FASTKD1: variants seen among roughly 807,000 people sequenced by gnomAD.
FASTKD1 encodes FAST kinase domain-containing protein 1, mitochondrial.
Under a neutral mutation model 90.9 loss-of-function variants are expected in FASTKD1, and 94 were observed. The observed-to-expected ratio is 1.03, with a 90% CI of 0.88 to 1.23. The LOEUF (loss-of-function observed/expected upper bound fraction) is 1.23, where lower values mean the gene tolerates loss of function less well. FASTKD1 is among the 50% of genes most tolerant of loss of function. The pLI is 0.00. For missense variants in FASTKD1, 945 were observed against 993.5 expected (o/e 0.95, Z 0.66); for synonymous variants, 319 against 345.8 (o/e 0.92, Z 0.86).
In FASTKD1 at chr2:169,529,010, G is replaced by A. The variant is rs989078803; in HGVS notation, c.*815C>T. Among the ~76,000 whole-genome samples, 7 of 152,056 alleles carry A rather than the reference G, an allele frequency of 4.6e-5. No individual in the cohort carries two copies. The highest frequency in any genetic ancestry group is 1.3e-4 in the Admixed American group (2 of 15,258). On this transcript the variant is annotated 3_prime_UTR_variant, in exon 15 of 15. Transcript: ENST00000453153. ...ACTCTTCTCTAATCTCATTTTAAGCGATTTCATCTACTCTCATGGCATTGA... is the reference window on the plus strand; with the variant it reads ...ACTCTTCTCTAATCTCATTTTAAGCAATTTCATCTACTCTCATGGCATTGA...
intron 7 of FASTKD1, among the ~76,000 whole-genome samples, chr2:169,549,673 C>A (rs1685405368): frequency 6.6e-6 from 1 of 152,074 alleles, no homozygotes; most frequent in African/African-American, 2.4e-5. Context: ...TGCTTTATTG[C>A]CCAGGCTGGT....
At chr2:169,534,121 T>C (rs2105330858) in intron 12 of FASTKD1, among the ~76,000 whole-genome samples, 1 of 134,906 alleles carries the variant, frequency 7.4e-6, no homozygotes, top group Admixed American at 8.7e-5. Context: ...CAATGAACCG[T>C]GATCATGCCA....
At chr2:169,558,976 CT>C (rs754092407) in intron 5 of FASTKD1, among the ~76,000 whole-genome samples, 3,598 of 137,208 alleles carry the variant, frequency 0.026, 104 homozygotes, top group African/African-American at 0.08. Flanking sequence ...ATTCAAAGTA[CT>C]TTTTTTTTTT....
At chr2:169,553,271 C>CAAAAAA (rs374454211) in intron 7 of FASTKD1, among the ~76,000 whole-genome samples, 21,547 of 78,524 alleles carry the variant, frequency 0.27, 3,533 homozygotes, top group East Asian at 0.34. Flanking sequence ...TAAAAGCATG[C>CAAAAAA]AAAAAAAAAA....
rs1443874948 is a variant in FASTKD1, at chr2:169,560,690, A to G, written c.668T>C (p.Ile223Thr). 1.2e-6 allele frequency: 2 copies of G among 1,611,320 alleles called. No homozygotes were observed. Among genetic ancestry groups the G allele is most frequent in the African/African-American group, 2.7e-5 (2 of 74,798 alleles). Residue 223 changes from isoleucine to threonine, a missense_variant, in exon 5 of 15, where the codon ATA becomes ACA. Coordinates refer to ENST00000453153, the MANE Select transcript of FASTKD1 (RefSeq NM_024622.6). ...VNKTELLFDT[I>T]DSSEVNVAKS... ...TGCAACGTTGACCTCAGAAGAATCT[A>G]TGGTGTCAAAAAGAAGTTCTGTTTT...
chr2:169,559,830 T>C (rs1683500742), intron 5 of FASTKD1, among the ~76,000 whole-genome samples: 1 of 152,246 alleles, frequency 6.6e-6, no homozygotes. Flanking sequence ...CGTATTTGTA[T>C]GTTAATTTAA....
At chr2:169,551,606 G>A (rs1244900079) in intron 7 of FASTKD1, among the ~76,000 whole-genome samples, 1 of 152,082 alleles carries the variant, frequency 6.6e-6, no homozygotes, top group African/African-American at 2.4e-5. Flanking sequence ...GGACCAGCCT[G>A]GGCAACATGG....
At chr2:169,572,476 T>A (rs1304421315) in intron 1 of FASTKD1, among the ~76,000 whole-genome samples, 1 of 151,704 alleles carries the variant, frequency 6.6e-6, no homozygotes, top group African/African-American at 2.4e-5. Flanking sequence ...TTAAAATAAA[T>A]AATCACCTTC....
At chr2:169,557,014 CA>C (rs11289947) in intron 6 of FASTKD1, among the ~76,000 whole-genome samples, 172 bp downstream of exon 6, 144,455 of 148,888 alleles carry the variant, frequency 0.97, 70,091 homozygotes, top group East Asian at 1. Flanking sequence ...CTCAAAAAAA[CA>C]AAAAAAAAAA....
chr2:169,540,747 G>C (rs891095375), intron 9 of FASTKD1, among the ~76,000 whole-genome samples: 1 of 152,198 alleles, frequency 6.6e-6, no homozygotes, highest in African/African-American at 2.4e-5. Flanking sequence ...AGAGTTGGCA[G>C]CGGAGAGTAG....
At position 169,573,787 on chromosome 2, in the gene FASTKD1, C is replaced by A. The variant is rs573248592; in HGVS notation, c.-261G>T. 1 of 152,186 alleles carries A rather than the reference C, an allele frequency of 6.6e-6. No homozygotes were observed. The highest frequency in any genetic ancestry group is 6.5e-5 in the Admixed American group (1 of 15,280). 9.4% of individuals were successfully genotyped at this position (152,186 alleles called of 1,614,324 possible). A position where few individuals can be genotyped will look rare whatever the true frequency, so the allele number is the denominator to read the frequency against. On this transcript the variant is annotated 5_prime_UTR_variant, in exon 1 of 15. Coordinates refer to ENST00000453153, the MANE Select transcript of FASTKD1 (RefSeq NM_024622.6). ...GAACGAAACAGGCTCGGATGTCTCG[C>A]CCAACCCTCATATCTCAGGGTTTAT...
chr2:169,549,527 G>A (rs974184038), intron 7 of FASTKD1, among the ~76,000 whole-genome samples: 5 of 152,102 alleles, frequency 3.3e-5, no homozygotes, highest in Non-Finnish European at 5.9e-5. Flanking sequence ...GGGCAGTGGC[G>A]TAATATAGCT....
At chr2:169,530,841 A>T (rs1017969380) in intron 13 of FASTKD1, 140 bp from the exon 14 acceptor site, 1 of 646,176 alleles carries the variant, frequency 1.5e-6, no homozygotes, top group Admixed American at 2.6e-5. Flanking sequence ...TTATGTTTCT[A>T]CTAAGAAATT....
At position 169,538,021 on chromosome 2, in the gene FASTKD1, T is replaced by C. The variant is rs1684798129; in HGVS notation, c.2066A>G (p.Tyr689Cys). ...TAAAAGAAAACTCAAACCTTTATTA[T>C]ATTGTTGACAGAAGCGGTCATGAAA... The part of the protein sequence containing the change: ...PWFHDRFCQQ[Y>C]NKGIGGMDGT... Residue 689 changes from tyrosine to cysteine, a missense_variant, in exon 11 of 15, where the codon TAT (tyrosine) becomes TGT (cysteine). Transcript: ENST00000453153. The C allele has an allele frequency of 6.3e-7, 1 of 1,598,090 alleles. No homozygotes were observed. The highest frequency in any genetic ancestry group is 1.1e-5 in the South Asian group (1 of 87,406).
At chr2:169,537,135 A>G in intron 12 of FASTKD1, 92 bp downstream of exon 12, 2 of 840,112 alleles carry the variant, frequency 2.4e-6, no homozygotes, top group South Asian at 3.1e-5. Context: ...AAAAAAATTC[A>G]AAAAACTTTA....
chr2:169,559,100 G>C (rs1018933844), intron 5 of FASTKD1, among the ~76,000 whole-genome samples: 8 of 150,778 alleles, frequency 5.3e-5, no homozygotes, highest in African/African-American at 2.0e-4. Flanking sequence ...TCAGCCTCCC[G>C]AGTAGCTGGG....
Position 169,573,678 on chromosome 2 carries a change from T to C in FASTKD1, c.-152A>G, listed in dbSNP as rs750244441. 5.9e-5 allele frequency: 9 copies of C among 152,202 alleles called. No homozygotes were observed. Among genetic ancestry groups the C allele is most frequent in the Non-Finnish European group, 1.0e-4 (7 of 68,088 alleles). 9.4% of individuals were successfully genotyped at this position (152,202 alleles called of 1,614,324 possible). A position where few individuals can be genotyped will look rare whatever the true frequency, so the allele number is the denominator to read the frequency against. On this transcript the variant is annotated 5_prime_UTR_variant, in exon 1 of 15. Coordinates refer to ENST00000453153, the MANE Select transcript of FASTKD1 (RefSeq NM_024622.6). ...CACAGTCCCGACTTGCCAGCAAGGT[T>C]TTCCCTCAGCGCGCCGCAAATTTTC...
chr2:169,558,233 C>T (rs1384919228), intron 5 of FASTKD1, among the ~76,000 whole-genome samples: 3 of 152,106 alleles, frequency 2.0e-5, no homozygotes, highest in Non-Finnish European at 2.9e-5. Context: ...TGACAAAAAA[C>T]GGTTCCAATA....
At chr2:169,547,440 C>T (rs760551931) in intron 7 of FASTKD1, among the ~76,000 whole-genome samples, 6 of 152,154 alleles carry the variant, frequency 3.9e-5, no homozygotes, top group Non-Finnish European at 7.3e-5. Context: ...AGATTAGAGT[C>T]CTGCTTTGGG....
Sources: gnomAD v4.1 joint callset for allele counts (sites outside exome capture counted in the v4.1 genomes callset) on GRCh38, gnomAD v4.1.1 for gene constraint, MANE v1.5 for transcripts, NCBI Gene and HGNC (gene_info 2026-07-23, HGNC 2026-07-21) for gene names.